The following EIF4ENIF1 variants were observed in gnomAD, a reference collection of about 807,000 sequenced individuals.
EIF4ENIF1 encodes the protein eukaryotic translation initiation factor 4E nuclear import factor 1, also known as eukaryotic translation initiation factor 4E transporter.
Under a neutral mutation model 110.5 loss-of-function variants are expected in EIF4ENIF1, and 23 were observed. The observed-to-expected ratio is 0.21, with a 90% CI of 0.15 to 0.29. The LOEUF (loss-of-function observed/expected upper bound fraction) is 0.29. EIF4ENIF1 is among the 10% of genes least tolerant of loss of function. The probability of loss-of-function intolerance (pLI) is 1.00; values close to 1 mark genes in which losing one functional copy is unlikely to be tolerated. For synonymous variants in EIF4ENIF1, 440 were observed against 437.0 expected, an observed-to-expected ratio of 1.01 and a Z score of -0.09; for missense variants, 1,031 against 1,221.1, an observed-to-expected ratio of 0.84 and a Z score of 2.32.
At chr22:31,455,795 C>G in intron 8 of EIF4ENIF1, 57 bp downstream of exon 8, 1 of 1,605,158 alleles carries the variant, frequency 6.2e-7, no homozygotes, top group Non-Finnish European at 8.5e-7. Context: ...ATAAAATGAA[C>G]CATATCAGGG....
chr22:31,444,516 A>C, intron 15 of EIF4ENIF1, 90 bp downstream of exon 15: 1 of 1,255,150 alleles, frequency 8.0e-7, no homozygotes. Flanking sequence ...AAGGAACTCA[A>C]GGACATTTAG....
intron 4 of EIF4ENIF1, 143 bp downstream of exon 4, chr22:31,468,032 G>T: frequency 8.0e-7 from 1 of 1,255,456 alleles, no homozygotes. Context: ...CTGCTGATTA[G>T]GAAAAATCCA....
chr22:31,454,033 TA>T lies in EIF4ENIF1; in HGVS notation c.1512+110del. The T allele has an allele frequency of 3.2e-6, 3 of 950,712 alleles. No homozygotes were observed. The South Asian group carries it at 5.1e-5, about 16-fold the overall frequency. The allele number at this position is 950,712 out of a possible 1,614,324, so 58.9% of individuals were successfully genotyped here. A position where few individuals can be genotyped will look rare whatever the true frequency, so the allele number is the denominator to read the frequency against. ...AAAGCATCAAGGACCAAATGACTACTAAAGAATTTCCAACTTACTCAGAATA... is the reference window on the plus strand; with the variant it reads ...AAAGCATCAAGGACCAAATGACTACTAAGAATTTCCAACTTACTCAGAATA... On this transcript the variant is annotated intron_variant, in intron 10 of 18. Coordinates refer to ENST00000330125, the MANE Select transcript of EIF4ENIF1 (RefSeq NM_019843.4).
intron 4 of EIF4ENIF1, among the ~76,000 whole-genome samples, chr22:31,464,675 CAAA>C (rs770904708): frequency 1.3e-4 from 4 of 30,922 alleles, no homozygotes; most frequent in African/African-American, 1.1e-3. Flanking sequence ...GATTCAGTCT[CAAA>C]AAAAAAAAAA....
chr22:31,454,680 G>C (rs1366745246), intron 9 of EIF4ENIF1, among the ~76,000 whole-genome samples: 2 of 152,054 alleles, frequency 1.3e-5, no homozygotes, highest in African/African-American at 4.8e-5. Flanking sequence ...GAGTCTTCTG[G>C]GAGACTTGTT....
intron 3 of EIF4ENIF1, 51 bp downstream of exon 3, chr22:31,471,793 A>G (rs1226080865): frequency 6.8e-7 from 1 of 1,462,652 alleles, no homozygotes; most frequent in Non-Finnish European, 9.3e-7. Context: ...AGTTTGGTAT[A>G]ACAAAAAGTT....
At chr22:31,454,111 G>A (rs1242927135) in intron 10 of EIF4ENIF1, 33 bp downstream of exon 10, 2 of 1,581,618 alleles carry the variant, frequency 1.3e-6, no homozygotes. Flanking sequence ...AAAAAAAGGA[G>A]AAAAGGGTGG....
intron 2 of EIF4ENIF1, among the ~76,000 whole-genome samples, chr22:31,487,968 G>A (rs2052108644): frequency 6.6e-6 from 1 of 152,028 alleles, no homozygotes; most frequent in Non-Finnish European, 1.5e-5. Context: ...TTTACAATTT[G>A]AGTCCTGTCA....
At chr22:31,470,120 C>A (rs898233656) in intron 3 of EIF4ENIF1, among the ~76,000 whole-genome samples, 1 of 143,604 alleles carries the variant, frequency 7.0e-6, no homozygotes, top group East Asian at 2.1e-4. Context: ...GCCAAGATTG[C>A]GCCATTGCAC....
chr22:31,443,871 T>C (rs2050380891), intron 15 of EIF4ENIF1, among the ~76,000 whole-genome samples: 1 of 147,776 alleles, frequency 6.8e-6, no homozygotes, highest in African/African-American at 2.5e-5. Flanking sequence ...CTTGGCTCAC[T>C]GCAACCTCTG....
intron 15 of EIF4ENIF1, 53 bp downstream of exon 15, chr22:31,444,553 A>T: frequency 6.4e-7 from 1 of 1,568,558 alleles, no homozygotes; most frequent in African/African-American, 1.3e-5. Context: ...ATCCATGCAC[A>T]ACCAAACAGG....
intron 6 of EIF4ENIF1, among the ~76,000 whole-genome samples, chr22:31,462,097 C>T (rs1278710175): frequency 6.6e-6 from 1 of 152,160 alleles, no homozygotes; most frequent in Non-Finnish European, 1.5e-5. Context: ...ACACAGTCCT[C>T]TTACAGGATA....
At chr22:31,448,094 C>T (rs1695918903) in intron 13 of EIF4ENIF1, 59 bp downstream of exon 13, 1 of 1,573,760 alleles carries the variant, frequency 6.4e-7, no homozygotes, top group Non-Finnish European at 8.7e-7. Flanking sequence ...CTCCACTCCC[C>T]ATGCACCAAG....
intron 2 of EIF4ENIF1, among the ~76,000 whole-genome samples, chr22:31,486,997 A>G (rs1463688240): frequency 2.0e-5 from 3 of 151,886 alleles, no homozygotes; most frequent in Non-Finnish European, 4.4e-5. Flanking sequence ...GAGGCAGGAG[A>G]ATCACTTGAA....
intron 8 of EIF4ENIF1, among the ~76,000 whole-genome samples, 193 bp from the exon 9 acceptor site, chr22:31,455,508 C>T (rs1386513898): frequency 6.6e-6 from 1 of 151,768 alleles, no homozygotes; most frequent in Non-Finnish European, 1.5e-5. Flanking sequence ...AAGCGATTCT[C>T]CTGCCTCAGC....
At chr22:31,455,395 C>CT (rs67838369) in intron 8 of EIF4ENIF1, 80 bp from the exon 9 acceptor site, 98,556 of 802,500 alleles carry the variant, frequency 0.12, 3 homozygotes, top group Non-Finnish European at 0.14. Context: ...TTCTTTCTTT[C>CT]TTTTTTTTTT....
intron 6 of EIF4ENIF1, among the ~76,000 whole-genome samples, chr22:31,459,262 T>TA (rs373253004): frequency 1.4e-4 from 21 of 151,608 alleles, no homozygotes; most frequent in Admixed American, 3.3e-4. Context: ...ATTTTTTTTT[T>TA]AAAGGATAGT....
At chr22:31,476,744 G>A (rs2051586008) in intron 2 of EIF4ENIF1, among the ~76,000 whole-genome samples, 1 of 151,966 alleles carries the variant, frequency 6.6e-6, no homozygotes, top group Admixed American at 6.6e-5. Flanking sequence ...ACTCAGGCAG[G>A]AGAATTGCCT....
At chr22:31,451,019 T>C in intron 10 of EIF4ENIF1, 1 of 152,708 alleles carries the variant, frequency 6.5e-6, no homozygotes. Context: ...TAGCTGGGAC[T>C]ACAGGTGTAT....
Sources: gnomAD v4.1 joint callset for allele counts (sites outside exome capture counted in the v4.1 genomes callset) on GRCh38, gnomAD v4.1.1 for gene constraint, MANE v1.5 for transcripts, NCBI Gene and HGNC (gene_info 2026-07-23, HGNC 2026-07-21) for gene names.